The following BANK1 variants were observed in gnomAD, a reference collection of about 807,000 sequenced individuals.
BANK1 encodes the protein B cell scaffold protein with ankyrin repeats 1, also known as B-cell scaffold protein with ankyrin repeats.
BANK1 carries 95 observed loss-of-function variants against 94.5 expected under a neutral mutation model. The ratio of observed to expected loss-of-function variants is 1.00; its 90% CI spans 0.85 to 1.19. The LOEUF is 1.19. Ranked by LOEUF, BANK1 falls within the 50% of genes most tolerant of loss-of-function variation. BANK1 has a pLI of 0.00. For missense variants in BANK1, 987 were observed against 932.2 expected (o/e 1.06, Z -0.77); for synonymous variants, 334 against 308.4 (o/e 1.08, Z -0.87).
chr4:101,880,123 C>G (rs1321788747), intron 5 of BANK1, among the ~76,000 whole-genome samples: 1 of 151,954 alleles, frequency 6.6e-6, no homozygotes, highest in African/African-American at 2.4e-5. Flanking sequence ...TAAAGGCATC[C>G]AAACTGGAAA....
chr4:101,909,857 C>A (rs1403597555), intron 6 of BANK1, among the ~76,000 whole-genome samples: 2 of 152,156 alleles, frequency 1.3e-5, no homozygotes, highest in African/African-American at 4.8e-5. Context: ...ACATAATTTT[C>A]ACTTCTATTA....
rs571764813 is a variant in BANK1 at position 101,877,691 on chromosome 4, C to T, written c.903+7047C>T. 1.4e-4 allele frequency among the ~76,000 whole-genome samples: 21 copies of T among 152,158 alleles called. No individual in the cohort carries two copies. The South Asian group carries it at 4.4e-3, about 32-fold the overall frequency. Reference sequence around the variant, plus strand: ...CTATAGGTCAGGAGTTTGAGTCCAGCCTGGCCATCATGGTGAAACTCCATC... The same window carrying T: ...CTATAGGTCAGGAGTTTGAGTCCAGTCTGGCCATCATGGTGAAACTCCATC... On this transcript the variant is annotated intron_variant, in intron 5 of 16. Transcript: ENST00000322953.
chr4:101,900,809 T>A (rs1369467518), intron 6 of BANK1, among the ~76,000 whole-genome samples: 1 of 152,138 alleles, frequency 6.6e-6, no homozygotes, highest in Non-Finnish European at 1.5e-5. Flanking sequence ...AGTATATAAG[T>A]CAAACACCCA....
At chr4:101,941,007 A>G (rs1560643940) in intron 7 of BANK1, among the ~76,000 whole-genome samples, 1 of 151,734 alleles carries the variant, frequency 6.6e-6, no homozygotes, top group Non-Finnish European at 1.5e-5. Flanking sequence ...TCTACACAGG[A>G]GGCTTGCCTA....
chr4:102,071,471 C>T (rs183076846), intron 14 of BANK1, among the ~76,000 whole-genome samples, 167 bp downstream of exon 14: 21 of 152,164 alleles, frequency 1.4e-4, no homozygotes, highest in African/African-American at 5.1e-4. Context: ...AAACGTGAAG[C>T]GACTATAAAA....
intron 6 of BANK1, among the ~76,000 whole-genome samples, chr4:101,914,131 A>C (rs1722753674): frequency 6.6e-6 from 1 of 152,194 alleles, no homozygotes; most frequent in Non-Finnish European, 1.5e-5. Context: ...GACAATAAGA[A>C]TAAACAACAG....
intron 1 of BANK1, among the ~76,000 whole-genome samples, chr4:101,808,327 T>C (rs1439653704): frequency 6.6e-6 from 1 of 152,144 alleles, no homozygotes; most frequent in Non-Finnish European, 1.5e-5. Flanking sequence ...ATTGATATTG[T>C]CACCTACTAA....
Position 102,066,757 on chromosome 4 carries a change from G to A in BANK1, c.2212+3619G>A, listed in dbSNP as rs116152490. 4.6e-3 allele frequency among the ~76,000 whole-genome samples: 702 copies of A among 151,950 alleles called. 11 individuals are homozygous for A. Among genetic ancestry groups the A allele is most frequent in the African/African-American group, 0.016 (653 of 41,426 alleles). On this transcript the variant is annotated intron_variant, in intron 13 of 16. Transcript: ENST00000322953. ...CAGATTCTCACTGAGGGAATCTGTG[G>A]GAAAAAGAATACTGAAATTATACAA... is the stretch of plus-strand genomic sequence containing the variant.
At chr4:101,979,221 T>A (rs992469476) in intron 7 of BANK1, among the ~76,000 whole-genome samples, 1 of 151,992 alleles carries the variant, frequency 6.6e-6, no homozygotes, top group African/African-American at 2.4e-5. Flanking sequence ...CATTGTTATA[T>A]TTCACTGCAG....
intron 11 of BANK1, among the ~76,000 whole-genome samples, chr4:102,045,440 A>G (rs1432110392): frequency 1.3e-5 from 2 of 152,196 alleles, no homozygotes; most frequent in African/African-American, 2.4e-5. Context: ...GTTCTGGCCA[A>G]GGCAATGAGG....
At chr4:101,989,756 T>A (rs1011476273) in intron 7 of BANK1, among the ~76,000 whole-genome samples, 3 of 152,160 alleles carry the variant, frequency 2.0e-5, no homozygotes, top group Admixed American at 6.5e-5. Context: ...ATCCAGGTTA[T>A]GTATTTTTTA....
At chr4:101,886,076 CATT>C (rs1728844728) in intron 5 of BANK1, among the ~76,000 whole-genome samples, 1 of 152,202 alleles carries the variant, frequency 6.6e-6, no homozygotes. Flanking sequence ...TGAGGTCTGT[CATT>C]GACCAAAATA....
At chr4:101,804,317 G>A (rs4699261) in intron 1 of BANK1, among the ~76,000 whole-genome samples, 40,782 of 152,024 alleles carry the variant, frequency 0.27, 5,784 homozygotes, top group Non-Finnish European at 0.32. Context: ...ACTGCAGTGA[G>A]ATCAAGTGTT....
chr4:101,879,181 G>T (rs1364237207), intron 5 of BANK1, among the ~76,000 whole-genome samples: 1 of 151,960 alleles, frequency 6.6e-6, no homozygotes, highest in Non-Finnish European at 1.5e-5. Context: ...CTTTTGAGAA[G>T]TTAAGCAAAA....
chr4:102,017,065 C>T (rs1241996148), intron 7 of BANK1, among the ~76,000 whole-genome samples: 1 of 152,122 alleles, frequency 6.6e-6, no homozygotes, highest in Non-Finnish European at 1.5e-5. Context: ...CAAATTATTA[C>T]AAGTTTTAGT....
chr4:102,029,679 C>T (rs1727221066), intron 9 of BANK1, among the ~76,000 whole-genome samples: 2 of 150,992 alleles, frequency 1.3e-5, no homozygotes, highest in East Asian at 3.9e-4. Flanking sequence ...TAAAAAATTC[C>T]ATGTCTTAAG....
chr4:101,874,212 C>T (rs1728403618), intron 5 of BANK1, among the ~76,000 whole-genome samples: 2 of 151,940 alleles, frequency 1.3e-5, no homozygotes, highest in Non-Finnish European at 2.9e-5. Flanking sequence ...GATTTGCTGC[C>T]TGCAAATATT....
At chr4:102,045,983 A>C (rs1037108363) in intron 11 of BANK1, among the ~76,000 whole-genome samples, 1 of 147,578 alleles carries the variant, frequency 6.8e-6, no homozygotes, top group Non-Finnish European at 1.5e-5. Flanking sequence ...CCGCATTGCC[A>C]AGTCAATCCT....
intron 13 of BANK1, among the ~76,000 whole-genome samples, chr4:102,070,806 G>A (rs778383049): frequency 4.6e-5 from 7 of 152,154 alleles, no homozygotes; most frequent in Admixed American, 2.0e-4. Flanking sequence ...TTGACATAAG[G>A]GAGAATTAGG....
Sources: gnomAD v4.1 joint callset for allele counts (sites outside exome capture counted in the v4.1 genomes callset) on GRCh38, gnomAD v4.1.1 for gene constraint, MANE v1.5 for transcripts, NCBI Gene and HGNC (gene_info 2026-07-23, HGNC 2026-07-21) for gene names.